Variants in FBXO34 observed in about 807,000 individuals in gnomAD.
The protein encoded by FBXO34 is F-box only protein 34.
FBXO34 carries 12 observed loss-of-function variants against 24.5 expected under a neutral mutation model. The observed-to-expected ratio is 0.49, with a 90% CI of 0.31 to 0.79. The LOEUF (loss-of-function observed/expected upper bound fraction) is 0.79. FBXO34 is among the 30% of genes least tolerant of loss of function. The pLI is 0.04. For synonymous variants in FBXO34, 320 were observed against 311.9 expected (o/e 1.03, Z -0.27); for missense variants, 823 against 857.7 (o/e 0.96, Z 0.51).
the FBXO34 span, among the ~76,000 whole-genome samples, chr14:55,382,495 ATT>A: frequency 1.3e-5 from 2 of 151,334 alleles, no homozygotes; most frequent in African/African-American, 4.9e-5. Flanking sequence ...AACTTAAAAA[ATT>A]TTTTTTTGTA....
chr14:55,336,978 TA>T (rs1270275860), intron 1 of FBXO34, among the ~76,000 whole-genome samples: 15 of 71,580 alleles, frequency 2.1e-4, no homozygotes, highest in East Asian at 4.8e-4. Flanking sequence ...TTTTTTATTT[TA>T]TTTTTTTTTT....
intron 1 of FBXO34, among the ~76,000 whole-genome samples, chr14:55,338,997 C>T (rs1277555680): frequency 6.6e-6 from 1 of 151,762 alleles, no homozygotes; most frequent in South Asian, 2.1e-4. Flanking sequence ...ATAAAACTTG[C>T]ACGCTTGTCT....
intron 1 of FBXO34, among the ~76,000 whole-genome samples, chr14:55,306,437 G>A (rs1232948021): frequency 6.6e-6 from 1 of 152,162 alleles, no homozygotes; most frequent in Non-Finnish European, 1.5e-5. Context: ...TCTACACAGC[G>A]TCATTTTGAA....
At chr14:55,440,678 G>C in the FBXO34 span, 1 of 1,068,026 alleles carries the variant, frequency 9.4e-7, no homozygotes, top group Admixed American at 3.0e-5. Context: ...GCTGGGAAGC[G>C]GAGATGGGCT....
At chr14:55,278,028 C>A (rs1881401507) in intron 1 of FBXO34, among the ~76,000 whole-genome samples, 1 of 152,114 alleles carries the variant, frequency 6.6e-6, no homozygotes, top group East Asian at 1.9e-4. Flanking sequence ...GGGGCTACTG[C>A]CACCGCAGCA....
chr14:55,437,386 G>A, the FBXO34 span, among the ~76,000 whole-genome samples: 2 of 152,240 alleles, frequency 1.3e-5, no homozygotes, highest in East Asian at 1.9e-4. Context: ...GCTGAGGCAT[G>A]AGAATCTCTT....
chr14:55,432,446 A>AAAAAAACACAG, the FBXO34 span, among the ~76,000 whole-genome samples: 1 of 151,390 alleles, frequency 6.6e-6, no homozygotes. Flanking sequence ...ACAAACAACA[A>AAAAAAACACAG]AAAAAACACC....
chr14:55,365,688 G>A (rs573121103), downstream of FBXO34, among the ~76,000 whole-genome samples: 6 of 152,262 alleles, frequency 3.9e-5, no homozygotes, highest in Non-Finnish European at 8.8e-5. Flanking sequence ...AAAGACTGAA[G>A]GACAGTACCA....
chr14:55,288,341 T>G (rs1468642288), intron 1 of FBXO34, among the ~76,000 whole-genome samples: 3 of 152,106 alleles, frequency 2.0e-5, no homozygotes, highest in African/African-American at 2.4e-5. Context: ...AATAAGTACA[T>G]AAAAATGGAA....
the FBXO34 span, among the ~76,000 whole-genome samples, chr14:55,398,766 G>C: frequency 8.4e-3 from 1,272 of 152,038 alleles, 22 homozygotes; most frequent in African/African-American, 0.029. Flanking sequence ...ATGTCTTCTA[G>C]ATCTGTGCTG....
the FBXO34 span, among the ~76,000 whole-genome samples, chr14:55,432,698 A>G: frequency 0.065 from 9,875 of 152,302 alleles, 366 homozygotes; most frequent in Non-Finnish European, 0.085. Context: ...CAGTGTCCAC[A>G]GGATAAAATG....
At chr14:55,391,981 A>G in the FBXO34 span, among the ~76,000 whole-genome samples, 30 of 152,346 alleles carry the variant, frequency 2.0e-4, no homozygotes, top group African/African-American at 7.0e-4. Flanking sequence ...AGTTAGGTTC[A>G]GCACCCCCTA....
At chr14:55,388,706 A>T in the FBXO34 span, among the ~76,000 whole-genome samples, 2 of 152,216 alleles carry the variant, frequency 1.3e-5, no homozygotes, top group African/African-American at 4.8e-5. Context: ...CAAGCTCTTA[A>T]GCATGAGTCC....
the FBXO34 span, chr14:55,396,074 CT>C: frequency 1.1e-6 from 1 of 929,872 alleles, no homozygotes; most frequent in Non-Finnish European, 1.6e-6. Flanking sequence ...AAATTAAGTC[CT>C]TAGAAATGGC....
the FBXO34 span, among the ~76,000 whole-genome samples, chr14:55,422,540 C>T: frequency 1.3e-5 from 2 of 152,136 alleles, no homozygotes; most frequent in Non-Finnish European, 2.9e-5. Flanking sequence ...TGAGCCACCG[C>T]GCCCGGTCAT....
rs1292536023 is a variant in FBXO34 at position 55,281,427 on chromosome 14, A to G, written c.-11+9890A>G. 2.0e-5 allele frequency among the ~76,000 whole-genome samples: 3 copies of G among 152,020 alleles called. No individual in the cohort carries two copies. In the East Asian group the frequency reaches 5.8e-4, roughly 29 times the overall value. Reference sequence around the variant, plus strand: ...CTATGACGTTTTTTTATAATTCCATATTTGCCCCCTTCAATCTTATACACA... The same window carrying G: ...CTATGACGTTTTTTTATAATTCCATGTTTGCCCCCTTCAATCTTATACACA... On this transcript the variant is annotated intron_variant, in intron 1 of 1. Transcript: ENST00000313833.
At chr14:55,331,155 A>G (rs1404380847) in intron 1 of FBXO34, among the ~76,000 whole-genome samples, 1 of 152,198 alleles carries the variant, frequency 6.6e-6, no homozygotes, top group Non-Finnish European at 1.5e-5. Flanking sequence ...CTTCTATTAT[A>G]ATACCCTGAT....
downstream of FBXO34, among the ~76,000 whole-genome samples, chr14:55,371,616 A>G (rs1286545553): frequency 6.6e-6 from 1 of 152,030 alleles, no homozygotes; most frequent in Non-Finnish European, 1.5e-5. Context: ...ACCATTGGCT[A>G]ACACAGTGAA....
At chr14:55,284,330 A>G (rs1257273466) in intron 1 of FBXO34, among the ~76,000 whole-genome samples, 1 of 152,082 alleles carries the variant, frequency 6.6e-6, no homozygotes, top group African/African-American at 2.4e-5. Context: ...CCTGACCAAC[A>G]TGGTGAAACC....
Sources: allele counts gnomAD v4.1 joint callset (sites outside exome capture counted in the v4.1 genomes callset), GRCh38; gene constraint gnomAD v4.1.1; transcripts MANE v1.5; gene names NCBI Gene and HGNC (gene_info 2026-07-23, HGNC 2026-07-21).